Variants in RNF24 observed in about 807,000 individuals in gnomAD.
RNF24 encodes the protein ring finger protein 24.
RNF24 carries 14 observed loss-of-function variants against 20.0 expected under a neutral mutation model. The observed-to-expected ratio is 0.70, with a 90% CI of 0.46 to 1.10. The LOEUF is 1.10. Among genes scored for constraint, RNF24 ranks in the 50% least tolerant of loss-of-function variants. RNF24 has a pLI of 0.00. For synonymous variants in RNF24, 45 were observed against 61.1 expected (o/e 0.74, Z 1.23); for missense variants, 124 against 177.6 (o/e 0.70, Z 1.71).
At chr20:4,011,331 A>G (rs1982442735) in intron 1 of RNF24, among the ~76,000 whole-genome samples, 1 of 152,238 alleles carries the variant, frequency 6.6e-6, no homozygotes, top group African/African-American at 2.4e-5. Flanking sequence ...TTCAGGAAGG[A>G]ATTTCAGATT....
chr20:3,978,511 T>C (rs1425246793), intron 1 of RNF24, among the ~76,000 whole-genome samples: 1 of 152,074 alleles, frequency 6.6e-6, no homozygotes, highest in African/African-American at 2.4e-5. Context: ...CCCCAAAATA[T>C]GTACAGCTAT....
intron 1 of RNF24, among the ~76,000 whole-genome samples, chr20:3,975,062 T>C (rs1978749542): frequency 2.0e-5 from 3 of 152,154 alleles, no homozygotes; most frequent in Admixed American, 6.6e-5. Flanking sequence ...GATAGACACA[T>C]AAGTCAATGG....
rs1042235826 is a variant in RNF24, at chr20:3,931,293, G to A, written c.*2770C>T. 2 of 152,168 alleles carry A rather than the reference G, an allele frequency of 1.3e-5. No homozygotes were observed. The highest frequency in any genetic ancestry group is 3.9e-4 in the East Asian group (2 of 5,192). The allele number at this position is 152,168 out of a possible 1,614,324, so 9.4% of individuals were successfully genotyped here. ...TCCCCACGCAGCTACACAGTAACAAGTCCCAGCAACTCCTGAAGATAGATG... is the reference window on the plus strand; with the variant it reads ...TCCCCACGCAGCTACACAGTAACAAATCCCAGCAACTCCTGAAGATAGATG... On this transcript the variant is annotated 3_prime_UTR_variant, in exon 6 of 6. Transcript: ENST00000358395.
At position 3,934,028 on chromosome 20, in the gene RNF24, G is replaced by A. The variant is rs748382369; in HGVS notation, c.*35C>T. The A allele has an allele frequency of 6.7e-5, 95 of 1,422,256 alleles. No homozygotes were observed. In the East Asian group the frequency reaches 1.6e-3, roughly 24 times the overall value. The allele number at this position is 1,422,256 out of a possible 1,614,324, so 88.1% of individuals were successfully genotyped here. On this transcript the variant is annotated 3_prime_UTR_variant, in exon 6 of 6. Transcript: ENST00000358395. The surrounding 1 kb of genome is among the most constrained non-coding windows in gnomAD (Gnocchi z 4.0). ...GTGTTCCTCCTGGCTCCACACAGAC[G>A]TCGTGTCCAGCAACAGTCTGATCCT...
intron 4 of RNF24, among the ~76,000 whole-genome samples, chr20:3,944,704 C>T (rs146659604): frequency 6.9e-4 from 105 of 152,320 alleles, no homozygotes; most frequent in African/African-American, 2.3e-3. Context: ...ACCATGCAAC[C>T]GAAGAGCTAA....
chr20:3,999,889 GA>G (rs1404814958), intron 1 of RNF24, among the ~76,000 whole-genome samples: 1 of 151,986 alleles, frequency 6.6e-6, no homozygotes, highest in Non-Finnish European at 1.5e-5. Context: ...CATATTAAGT[GA>G]AAAAAGCCAG....
At chr20:3,996,390 T>C (rs2147056162) in intron 1 of RNF24, among the ~76,000 whole-genome samples, 1 of 152,318 alleles carries the variant, frequency 6.6e-6, no homozygotes, top group African/African-American at 2.4e-5. Context: ...ATCTTGTATA[T>C]TAGTATATTC....
At chr20:3,993,350 C>G (rs1264031860) in intron 1 of RNF24, among the ~76,000 whole-genome samples, 1 of 151,940 alleles carries the variant, frequency 6.6e-6, no homozygotes, top group East Asian at 1.9e-4. Flanking sequence ...TACAGTGGCC[C>G]GATCTCAGCT....
At chr20:4,005,632 A>G (rs1476340867) in intron 1 of RNF24, among the ~76,000 whole-genome samples, 14 of 152,230 alleles carry the variant, frequency 9.2e-5, no homozygotes, top group Admixed American at 9.2e-4. Flanking sequence ...CTATTTAGAT[A>G]TAATATTTAG....
At chr20:3,983,480 G>A (rs1979608545) in intron 1 of RNF24, among the ~76,000 whole-genome samples, 1 of 151,904 alleles carries the variant, frequency 6.6e-6, no homozygotes, top group Admixed American at 6.6e-5. Flanking sequence ...TAGTGCAGGT[G>A]CAACTAACTG....
At chr20:3,992,698 A>G (rs563083723) in intron 1 of RNF24, among the ~76,000 whole-genome samples, 25 of 152,274 alleles carry the variant, frequency 1.6e-4, no homozygotes, top group African/African-American at 5.5e-4. Context: ...AAATAGCTCC[A>G]TGGATTCCAT....
chr20:3,961,693 CT>C (rs971293942), intron 2 of RNF24, among the ~76,000 whole-genome samples: 193 of 151,146 alleles, frequency 1.3e-3, no homozygotes, highest in African/African-American at 4.4e-3. Context: ...ATAACATTTT[CT>C]TTTTTTTACA....
intron 1 of RNF24, chr20:3,974,284 AACTGTACAGCTAAT>A: frequency 6.5e-7 from 1 of 1,537,726 alleles, no homozygotes; most frequent in Non-Finnish European, 8.8e-7. Context: ...TAACAACAAA[AACTGTACAGCTAAT>A]ATTATTCTTA....
intron 2 of RNF24, among the ~76,000 whole-genome samples, chr20:3,961,257 C>G (rs144162076): frequency 0.01 from 1,549 of 151,966 alleles, 18 homozygotes; most frequent in African/African-American, 0.035. Context: ...AAAAAATTAG[C>G]TGGGTGTGGT....
Position 3,966,133 on chromosome 20 carries a change from C to CA in RNF24, c.-7-2110dup, listed in dbSNP as rs574975352. Among the ~76,000 whole-genome samples, 252 of 81,462 alleles carry CA rather than the reference C, an allele frequency of 3.1e-3. 5 individuals are homozygous for CA. The highest frequency in any genetic ancestry group is 4.3e-3 in the African/African-American group (85 of 19,846). 53.4% of individuals were successfully genotyped at this position (81,462 alleles called of 152,430 possible). On this transcript the variant is annotated intron_variant, in intron 1 of 5. Coordinates refer to ENST00000358395, the MANE Select transcript of RNF24 (RefSeq NM_001134337.3). ...TGGGTGACAGAGCGAGATTCCATCTCAAAAAAAAAAAAAAAAAAAAAAAAA... is the reference window on the plus strand; with the variant it reads ...TGGGTGACAGAGCGAGATTCCATCTCAAAAAAAAAAAAAAAAAAAAAAAAAA...
At chr20:3,967,122 AT>A (rs1165376915) in intron 1 of RNF24, among the ~76,000 whole-genome samples, 1 of 152,230 alleles carries the variant, frequency 6.6e-6, no homozygotes, top group Non-Finnish European at 1.5e-5. Flanking sequence ...CCAGTGACAC[AT>A]TAGTTTTTAC....
intron 2 of RNF24, among the ~76,000 whole-genome samples, chr20:3,952,889 T>C (rs2146969576): frequency 6.6e-6 from 1 of 152,346 alleles, no homozygotes; most frequent in South Asian, 2.1e-4. Context: ...GTTGTAATAT[T>C]CTACCTTTTT....
At chr20:3,968,206 G>A (rs1289291843) in intron 1 of RNF24, among the ~76,000 whole-genome samples, 1 of 152,070 alleles carries the variant, frequency 6.6e-6, no homozygotes, top group African/African-American at 2.4e-5. Context: ...TCAGGAAGCT[G>A]AGGCAGATTA....
chr20:3,979,426 AG>A (rs1979196788), intron 1 of RNF24, among the ~76,000 whole-genome samples: 1 of 152,180 alleles, frequency 6.6e-6, no homozygotes. Context: ...ATCTCAGCAC[AG>A]CACTTTGGGA....
Sources: allele counts gnomAD v4.1 joint callset (sites outside exome capture counted in the v4.1 genomes callset), GRCh38; gene constraint gnomAD v4.1.1; non-coding constraint Gnocchi (gnomAD v3.1); transcripts MANE v1.5; gene names NCBI Gene and HGNC (gene_info 2026-07-23, HGNC 2026-07-21).